GALNTL6: variants seen among roughly 807,000 people sequenced by gnomAD.
GALNTL6 encodes the protein polypeptide N-acetylgalactosaminyltransferase-like 6.
A neutral mutation model predicts 73.7 loss-of-function variants in GALNTL6; 46 were observed. The observed-to-expected ratio is 0.62, with a 90% CI of 0.49 to 0.80. The LOEUF (loss-of-function observed/expected upper bound fraction) is 0.80, where lower values mean the gene tolerates loss of function less well. Among genes scored for constraint, GALNTL6 ranks in the 30% least tolerant of loss-of-function variants. The probability of loss-of-function intolerance (pLI) is 0.00; values close to 1 mark genes in which losing one functional copy is unlikely to be tolerated. For missense variants in GALNTL6, 604 were observed against 755.0 expected (o/e 0.80, Z 2.34); for synonymous variants, 259 against 263.7 (o/e 0.98, Z 0.17).
chr4:172,798,654 C>A (rs901461220), intron 5 of GALNTL6, among the ~76,000 whole-genome samples: 2 of 152,170 alleles, frequency 1.3e-5, no homozygotes, highest in Admixed American at 6.6e-5. Context: ...TAAGTCAAAT[C>A]ATCTCCCAAA....
At chr4:172,385,260 T>TTCTATA (rs1743426014) in intron 5 of GALNTL6, among the ~76,000 whole-genome samples, 1 of 152,068 alleles carries the variant, frequency 6.6e-6, no homozygotes, top group African/African-American at 2.4e-5. Flanking sequence ...TATTCTGCTA[T>TTCTATA]GATTGCGTAT....
chr4:172,013,538 C>G (rs1380208786), intron 2 of GALNTL6, among the ~76,000 whole-genome samples: 1 of 151,774 alleles, frequency 6.6e-6, no homozygotes, highest in Non-Finnish European at 1.5e-5. Flanking sequence ...ATATATTTCA[C>G]ATTTCTCTTT....
At chr4:172,857,985 A>G (rs1744202814) in intron 7 of GALNTL6, among the ~76,000 whole-genome samples, 1 of 152,160 alleles carries the variant, frequency 6.6e-6, no homozygotes, top group Non-Finnish European at 1.5e-5. Context: ...CTTAATTTCT[A>G]CTTCCCTCCT....
At chr4:172,734,259 C>T (rs1303062781) in intron 5 of GALNTL6, among the ~76,000 whole-genome samples, 1 of 152,152 alleles carries the variant, frequency 6.6e-6, no homozygotes, top group South Asian at 2.1e-4. Context: ...CCTGCTGATG[C>T]AGTAGAAAAG....
At chr4:172,321,055 T>G (rs533715300) in intron 4 of GALNTL6, among the ~76,000 whole-genome samples, 1 of 152,360 alleles carries the variant, frequency 6.6e-6, no homozygotes, top group South Asian at 2.1e-4. Flanking sequence ...TAATTTTTGA[T>G]ACAGTATATT....
chr4:172,588,443 A>T (rs2110992086), intron 5 of GALNTL6, among the ~76,000 whole-genome samples: 1 of 151,354 alleles, frequency 6.6e-6, no homozygotes, highest in East Asian at 1.9e-4. Flanking sequence ...AAAATACAAA[A>T]CTTAGCTGAG....
intron 8 of GALNTL6, among the ~76,000 whole-genome samples, chr4:172,923,754 C>T (rs1307983453): frequency 1.3e-5 from 2 of 152,148 alleles, no homozygotes; most frequent in Admixed American, 6.5e-5. Context: ...GGGGAGGCCT[C>T]ACTATCATGG....
intron 3 of GALNTL6, among the ~76,000 whole-genome samples, chr4:172,293,517 A>C (rs2111104732): frequency 6.6e-6 from 1 of 152,230 alleles, no homozygotes; most frequent in East Asian, 1.9e-4. Context: ...GCAAACACCA[A>C]TAATTATGTC....
chr4:172,369,607 C>T (rs1742708827), intron 5 of GALNTL6, among the ~76,000 whole-genome samples: 1 of 152,156 alleles, frequency 6.6e-6, no homozygotes, highest in South Asian at 2.1e-4. Context: ...GGTCCCGAGC[C>T]CTGCCCCATG....
chr4:172,369,778 G>A (rs1029708585), intron 5 of GALNTL6, among the ~76,000 whole-genome samples: 2 of 152,128 alleles, frequency 1.3e-5, no homozygotes, highest in African/African-American at 2.4e-5. Context: ...AGATCCCACC[G>A]AGCCTGCGCC....
intron 5 of GALNTL6, among the ~76,000 whole-genome samples, chr4:172,652,367 G>A (rs1022852143): frequency 2.0e-5 from 3 of 152,176 alleles, no homozygotes; most frequent in Non-Finnish European, 4.4e-5. Context: ...ATTTTACTGA[G>A]ATTTGGAGTA....
chr4:172,724,722 C>A (rs982972787), intron 5 of GALNTL6, among the ~76,000 whole-genome samples: 1 of 152,040 alleles, frequency 6.6e-6, no homozygotes, highest in African/African-American at 2.4e-5. Flanking sequence ...ACTAAAGAAT[C>A]AGTTTTTACG....
chr4:172,571,380 G>A (rs1383325158), intron 5 of GALNTL6, among the ~76,000 whole-genome samples: 1 of 152,174 alleles, frequency 6.6e-6, no homozygotes, highest in Non-Finnish European at 1.5e-5. Context: ...TAGGAAGACA[G>A]CAATATATAC....
intron 2 of GALNTL6, among the ~76,000 whole-genome samples, chr4:171,859,254 A>C (rs866468879): frequency 6.6e-6 from 1 of 152,338 alleles, no homozygotes; most frequent in African/African-American, 2.4e-5. Flanking sequence ...TCGATTATAC[A>C]GTGGTTATCC....
chr4:171,833,219 A>G (rs949066555), intron 2 of GALNTL6, among the ~76,000 whole-genome samples: 13 of 151,864 alleles, frequency 8.6e-5, no homozygotes, highest in African/African-American at 2.9e-4. Context: ...CATAATGGAC[A>G]AGGGATGCTC....
chr4:171,853,012 ATTTTTTT>A (rs765984611), intron 2 of GALNTL6, among the ~76,000 whole-genome samples: 19 of 86,834 alleles, frequency 2.2e-4, no homozygotes, highest in South Asian at 2.0e-3. Flanking sequence ...CGCCCGGCTA[ATTTTTTT>A]TTTTTTTTTT....
At position 172,198,824 on chromosome 4, in the gene GALNTL6, G is replaced by A. The variant is rs372881092; in HGVS notation, c.139-30832G>A. Reference sequence around the variant, plus strand: ...AACCACAATGTGCTAATTTACTAACGTAGTGCATGTACTAGCCAGCCATAA... The same window carrying A: ...AACCACAATGTGCTAATTTACTAACATAGTGCATGTACTAGCCAGCCATAA... On this transcript the variant is annotated intron_variant, in intron 2 of 12. Coordinates refer to ENST00000506823, the MANE Select transcript of GALNTL6 (RefSeq NM_001034845.3). Among the ~76,000 whole-genome samples, 165 of 152,190 alleles carry A rather than the reference G, an allele frequency of 1.1e-3. No individual in the cohort carries two copies. The South Asian group carries it at 0.018, about 17-fold the overall frequency.
Position 172,546,797 on chromosome 4 carries a change from C to CATATATATACGTATATATATGT in GALNTL6, c.553+198108_553+198109insATATATATACGTATATATATGT, listed in dbSNP as rs1411417146. Among the ~76,000 whole-genome samples, 12 of 36,692 alleles carry CATATATATACGTATATATATGT rather than the reference C, an allele frequency of 3.3e-4. 1 individual carries two copies. The highest frequency in any genetic ancestry group is 9.7e-4 in the African/African-American group (11 of 11,350). The allele number at this position is 36,692 out of a possible 152,430, so 24.1% of individuals were successfully genotyped here. ...TTCAACTCCGCTTTATATATATATA[C>CATATATATACGTATATATATGT]GTATATATACGTATATATATACGTA... On this transcript the variant is annotated intron_variant, in intron 5 of 12. Transcript: ENST00000506823.
At chr4:172,779,290 C>T (rs1739248790) in intron 5 of GALNTL6, among the ~76,000 whole-genome samples, 1 of 152,146 alleles carries the variant, frequency 6.6e-6, no homozygotes, top group South Asian at 2.1e-4. Context: ...GTGACAACAC[C>T]TTGGTACACG....
Sources: gnomAD v4.1 joint callset for allele counts (sites outside exome capture counted in the v4.1 genomes callset) on GRCh38, gnomAD v4.1.1 for gene constraint, MANE v1.5 for transcripts, NCBI Gene and HGNC (gene_info 2026-07-23, HGNC 2026-07-21) for gene names.